The following UGT2B7 variants were observed in gnomAD, a reference collection of about 807,000 sequenced individuals.
The protein encoded by UGT2B7 is UDP-glucuronosyltransferase 2B7.
UGT2B7 carries 51 observed loss-of-function variants against 51.9 expected under a neutral mutation model. The observed-to-expected ratio is 0.98, with a 90% CI of 0.78 to 1.24. UGT2B7 has a LOEUF of 1.24. Ranked by LOEUF, UGT2B7 falls within the 50% of genes most tolerant of loss-of-function variation. The pLI, the probability that UGT2B7 is intolerant of heterozygous loss-of-function variation, is 0.00. For missense variants in UGT2B7, 727 were observed against 628.4 expected, an observed-to-expected ratio of 1.16 and a Z score of -1.68; for synonymous variants, 225 against 211.6, an observed-to-expected ratio of 1.06 and a Z score of -0.55.
intron 1 of UGT2B7, among the ~76,000 whole-genome samples, chr4:69,064,104 A>AGAG (rs1560499781): frequency 4.1e-4 from 45 of 110,594 alleles, no homozygotes; most frequent in East Asian, 1.1e-3. Flanking sequence ...AAGAGAAAGA[A>AGAG]AGAAAGAAAA....
chr4:69,098,226 A>G (rs62298861), intron 1 of UGT2B7, among the ~76,000 whole-genome samples: 28,876 of 151,826 alleles, frequency 0.19, 3,171 homozygotes, highest in Admixed American at 0.28. Context: ...AAGCTTTAAG[A>G]GAAAAGAAAT....
intron 1 of UGT2B7, among the ~76,000 whole-genome samples, chr4:69,081,074 A>G (rs1718827010): frequency 6.6e-6 from 1 of 152,198 alleles, no homozygotes; most frequent in Non-Finnish European, 1.5e-5. Context: ...ATTTACATAG[A>G]GAAATATTAT....
intron 1 of UGT2B7, among the ~76,000 whole-genome samples, chr4:69,077,265 C>CTCTTTTTTGGT (rs1718728552): frequency 6.7e-6 from 1 of 149,984 alleles, no homozygotes; most frequent in Admixed American, 6.7e-5. Context: ...GCTCTGCAGG[C>CTCTTTTTTGGT]TCTTTTTTGG....
At position 69,108,250 on chromosome 4, in the gene UGT2B7, T is replaced by C. The variant is rs1186242339; in HGVS notation, c.1238T>C (p.Val413Ala). Residue 413 changes from valine to alanine, a missense_variant, in exon 5 of 6, where the codon GTT (valine) becomes GCT (alanine). Coordinates refer to ENST00000305231, the MANE Select transcript of UGT2B7 (RefSeq NM_001074.4). ...IAHMKARGAA[V>A]RVDFNTMSST... The stretch of plus-strand genomic sequence containing the variant: ...CACATGAAGGCCAGGGGAGCAGCTG[T>C]TAGAGTGGACTTCAACACAATGTCG... The C allele has an allele frequency of 6.2e-7, 1 of 1,613,530 alleles. No homozygotes were observed. The highest frequency in any genetic ancestry group is 8.5e-7 in the Non-Finnish European group (1 of 1,179,676).
chr4:69,109,290 G>GT (rs973062392), intron 5 of UGT2B7, among the ~76,000 whole-genome samples: 14 of 152,114 alleles, frequency 9.2e-5, no homozygotes, highest in African/African-American at 3.4e-4. Context: ...TGTGGGAACT[G>GT]TATGTTTATG....
intron 1 of UGT2B7, among the ~76,000 whole-genome samples, chr4:69,063,553 T>A (rs1718405946): frequency 6.6e-6 from 1 of 152,118 alleles, no homozygotes; most frequent in Non-Finnish European, 1.5e-5. Flanking sequence ...TAGAATAGAC[T>A]GGCTTCAGAC....
At chr4:69,072,039 C>G in intron 1 of UGT2B7, among the ~76,000 whole-genome samples, 1 of 152,000 alleles carries the variant, frequency 6.6e-6, no homozygotes, top group East Asian at 1.9e-4. Context: ...TATTCATGAG[C>G]TATCAAAGAA....
At chr4:69,071,979 A>G (rs1339752743) in intron 1 of UGT2B7, among the ~76,000 whole-genome samples, 1 of 152,016 alleles carries the variant, frequency 6.6e-6, no homozygotes, top group Non-Finnish European at 1.5e-5. Flanking sequence ...GCCAAAATAG[A>G]TCTTCTTTGC....
intron 5 of UGT2B7, among the ~76,000 whole-genome samples, chr4:69,111,972 T>C (rs749457174): frequency 3.3e-5 from 5 of 152,166 alleles, no homozygotes; most frequent in Non-Finnish European, 5.9e-5. Flanking sequence ...ACTTTCAGTA[T>C]TAGGGAGGAG....
In UGT2B7 at chr4:69,103,593, C is replaced by T. The variant is rs117043833; in HGVS notation, c.1002+655C>T. On this transcript the variant is annotated intron_variant, in intron 3 of 5. Coordinates refer to ENST00000305231, the MANE Select transcript of UGT2B7 (RefSeq NM_001074.4). The stretch of plus-strand genomic sequence containing the variant: ...TTAGAATGACTTTCAGGTGTTTTCA[C>T]AAAAAACGTATATCCAGAACTGTGT... Among the ~76,000 whole-genome samples, 32 of 152,124 alleles carry T rather than the reference C, an allele frequency of 2.1e-4. No homozygotes were observed. In the East Asian group the frequency reaches 5.8e-3, roughly 28 times the overall value.
chr4:69,073,670 A>C (rs1486093959), intron 1 of UGT2B7, among the ~76,000 whole-genome samples: 1 of 152,208 alleles, frequency 6.6e-6, no homozygotes, highest in Non-Finnish European at 1.5e-5. Context: ...AACACATTGA[A>C]TAGGTCATAA....
intron 5 of UGT2B7, among the ~76,000 whole-genome samples, chr4:69,111,221 T>C (rs1395478312): frequency 6.6e-6 from 1 of 151,884 alleles, no homozygotes; most frequent in African/African-American, 2.4e-5. Flanking sequence ...AGGAAAAGAG[T>C]TTGCCCGTGT....
chr4:69,107,441 T>C (rs886183245), intron 4 of UGT2B7, among the ~76,000 whole-genome samples, 179 bp downstream of exon 4: 9 of 152,200 alleles, frequency 5.9e-5, no homozygotes, highest in Middle Eastern at 3.2e-3. Context: ...CATTTTATGA[T>C]ATACACCCAC....
At chr4:69,085,700 G>C (rs969995335) in intron 1 of UGT2B7, among the ~76,000 whole-genome samples, 1 of 151,594 alleles carries the variant, frequency 6.6e-6, no homozygotes, top group Admixed American at 6.6e-5. Context: ...TACTGCTTCA[G>C]TCTTGTTACT....
rs1034109922 is a variant in UGT2B7 at position 69,061,870 on chromosome 4, A to G, written c.-159+10268A>G. Among the ~76,000 whole-genome samples the G allele has an allele frequency of 3.3e-5, 5 of 152,142 alleles. No individual in the cohort carries two copies. In the South Asian group the frequency reaches 1.0e-3, roughly 32 times the overall value. On this transcript the variant is annotated intron_variant, in intron 1 of 5. Transcript: ENST00000502942. ...TCCGAATTGCCCCAAGCAGGGGTCTATAGGTACATTTTGGTGCTTGTCTGT... is the reference window on the plus strand; with the variant it reads ...TCCGAATTGCCCCAAGCAGGGGTCTGTAGGTACATTTTGGTGCTTGTCTGT...
chr4:69,094,966 A>G (rs1267796302), upstream of UGT2B7, among the ~76,000 whole-genome samples: 1 of 152,224 alleles, frequency 6.6e-6, no homozygotes, highest in Non-Finnish European at 1.5e-5. Context: ...CAAAAGTAGT[A>G]ACTCCTCACT....
intron 1 of UGT2B7, among the ~76,000 whole-genome samples, chr4:69,069,288 T>C (rs1233376249): frequency 6.6e-6 from 1 of 152,080 alleles, no homozygotes; most frequent in African/African-American, 2.4e-5. Context: ...ATCTCTAGAC[T>C]TTGATATTAT....
intron 1 of UGT2B7, among the ~76,000 whole-genome samples, chr4:69,079,234 C>T (rs1028193167): frequency 6.6e-6 from 1 of 152,172 alleles, no homozygotes; most frequent in African/African-American, 2.4e-5. Context: ...CCTTCTGCTG[C>T]ATTCAGACAG....
chr4:69,070,903 T>G (rs1718587180), intron 1 of UGT2B7, among the ~76,000 whole-genome samples: 1 of 152,134 alleles, frequency 6.6e-6, no homozygotes, highest in South Asian at 2.1e-4. Context: ...CCAATTCATA[T>G]CCTTCATGAA....
Sources: gnomAD v4.1 joint callset for allele counts (sites outside exome capture counted in the v4.1 genomes callset) on GRCh38, gnomAD v4.1.1 for gene constraint, MANE v1.5 for transcripts, NCBI Gene and HGNC (gene_info 2026-07-23, HGNC 2026-07-21) for gene names.